The following RARB variants were observed in gnomAD, a reference collection of about 807,000 sequenced individuals.
RARB encodes retinoic acid receptor beta, also known as HBV-activated protein.
RARB carries 17 observed loss-of-function variants against 51.9 expected under a neutral mutation model. The observed-to-expected ratio is 0.33, with a 90% CI of 0.22 to 0.49. The LOEUF (loss-of-function observed/expected upper bound fraction) is 0.49. Ranked by LOEUF, RARB falls within the 20% of genes least tolerant of loss-of-function variation. The probability of loss-of-function intolerance (pLI) is 0.99; values close to 1 mark genes in which losing one functional copy is unlikely to be tolerated. For missense variants in RARB, 369 were observed against 550.8 expected, an observed-to-expected ratio of 0.67 and a Z score of 3.30; for synonymous variants, 215 against 195.4, an observed-to-expected ratio of 1.10 and a Z score of -0.84.
chr3:24,957,917 C>T (rs1195144027), intron 2 of RARB, among the ~76,000 whole-genome samples: 1 of 152,082 alleles, frequency 6.6e-6, no homozygotes, highest in Non-Finnish European at 1.5e-5. Context: ...TATATAACTC[C>T]AAGATAATAG....
intron 4 of RARB, among the ~76,000 whole-genome samples, chr3:25,152,874 C>A (rs1019994160): frequency 1.3e-5 from 2 of 152,166 alleles, no homozygotes; most frequent in African/African-American, 4.8e-5. Context: ...GGTGGAGCCA[C>A]TAGCCAGATG....
At chr3:25,392,437 G>A (rs953077369) in intron 5 of RARB, among the ~76,000 whole-genome samples, 1 of 152,014 alleles carries the variant, frequency 6.6e-6, no homozygotes, top group East Asian at 1.9e-4. Flanking sequence ...AATGATGATG[G>A]TATTTTGATG....
At chr3:25,479,423 T>C (rs1559424859) in intron 2 of RARB, among the ~76,000 whole-genome samples, 3 of 152,234 alleles carry the variant, frequency 2.0e-5, no homozygotes. Flanking sequence ...ATTTTATTTT[T>C]CTTTTTTACA....
At chr3:25,593,163 ATCT>A (rs1425532382) in intron 5 of RARB, among the ~76,000 whole-genome samples, 1 of 150,960 alleles carries the variant, frequency 6.6e-6, no homozygotes, top group Admixed American at 6.6e-5. Context: ...AATCTTATTC[ATCT>A]TTTTTTTTTT....
intron 1 of RARB, among the ~76,000 whole-genome samples, chr3:25,447,297 T>C (rs945683797): frequency 2.6e-5 from 4 of 152,190 alleles, no homozygotes; most frequent in Non-Finnish European, 5.9e-5. Flanking sequence ...GTATTTAAAG[T>C]CAAGGCCGCC....
At chr3:24,993,405 A>G (rs1267535319) in intron 2 of RARB, among the ~76,000 whole-genome samples, 1 of 152,066 alleles carries the variant, frequency 6.6e-6, no homozygotes, top group Admixed American at 6.5e-5. Flanking sequence ...TAAATTTTCA[A>G]AGTCTTTTTT....
chr3:25,469,196 A>G (rs993252079), intron 2 of RARB, among the ~76,000 whole-genome samples: 16 of 152,278 alleles, frequency 1.1e-4, no homozygotes, highest in African/African-American at 3.6e-4. Flanking sequence ...GACAGCAAGC[A>G]GAATGTTCAG....
At chr3:25,385,644 A>AATAT (rs146277516) in intron 5 of RARB, among the ~76,000 whole-genome samples, 2 of 150,406 alleles carry the variant, frequency 1.3e-5, no homozygotes, top group South Asian at 4.2e-4. Flanking sequence ...TTGCATTTAA[A>AATAT]ATATATATAT....
At chr3:25,416,404 T>A (rs1897500) in intron 5 of RARB, among the ~76,000 whole-genome samples, 126,018 of 152,148 alleles carry the variant, frequency 0.83, 52,588 homozygotes, top group East Asian at 1. Context: ...CAAGCAAATA[T>A]ATAACTGCAG....
intron 3 of RARB, among the ~76,000 whole-genome samples, chr3:25,102,807 T>A (rs772619357): frequency 6.6e-6 from 1 of 152,096 alleles, no homozygotes; most frequent in African/African-American, 2.4e-5. Flanking sequence ...ATCCCAGCAC[T>A]TTGGGAGTCT....
intron 5 of RARB, among the ~76,000 whole-genome samples, chr3:25,195,016 C>T (rs1404600459): frequency 6.6e-6 from 1 of 151,900 alleles, no homozygotes. Context: ...TTTCTTTTAA[C>T]AGAAACAAAA....
intron 5 of RARB, among the ~76,000 whole-genome samples, chr3:25,407,465 A>G (rs985397015): frequency 2.0e-5 from 3 of 152,214 alleles, no homozygotes; most frequent in African/African-American, 7.2e-5. Flanking sequence ...TAGGTTCTCA[A>G]TTAAAGGCAC....
chr3:25,287,961 G>C (rs1025748286), intron 5 of RARB, among the ~76,000 whole-genome samples: 4 of 152,134 alleles, frequency 2.6e-5, no homozygotes, highest in Middle Eastern at 3.4e-3. Flanking sequence ...TAAAGGGGAG[G>C]AGTGGAAGAA....
At chr3:25,536,158 C>G (rs1418398061) in intron 3 of RARB, among the ~76,000 whole-genome samples, 26 of 152,140 alleles carry the variant, frequency 1.7e-4, no homozygotes, top group Admixed American at 1.7e-3. Flanking sequence ...GAACCCAACT[C>G]TTAGAGTTGA....
intron 2 of RARB, among the ~76,000 whole-genome samples, chr3:25,047,241 A>G (rs1422336381): frequency 6.6e-6 from 1 of 152,150 alleles, no homozygotes; most frequent in Non-Finnish European, 1.5e-5. Flanking sequence ...TGCCTGGGAG[A>G]TTAGAATGGC....
intron 2 of RARB, among the ~76,000 whole-genome samples, chr3:24,924,567 A>G (rs1695278377): frequency 6.6e-6 from 1 of 152,192 alleles, no homozygotes. Context: ...ACTAATAGAT[A>G]TCATATTGGA....
chr3:25,400,813 A>G (rs1707243562), intron 5 of RARB, among the ~76,000 whole-genome samples: 1 of 152,118 alleles, frequency 6.6e-6, no homozygotes, highest in South Asian at 2.1e-4. Context: ...CTGGGATGGA[A>G]CAGCTTGTAA....
intron 2 of RARB, among the ~76,000 whole-genome samples, chr3:24,864,368 G>T (rs1019581633): frequency 2.0e-5 from 3 of 152,052 alleles, no homozygotes; most frequent in Non-Finnish European, 4.4e-5. Flanking sequence ...TTCCTTTGCT[G>T]TCCAGTGTTG....
intron 2 of RARB, among the ~76,000 whole-genome samples, chr3:24,881,599 C>G: frequency 6.6e-6 from 1 of 152,192 alleles, no homozygotes. Context: ...AACAGATTAC[C>G]TATAAATGTT....
Sources: gnomAD v4.1 joint callset for allele counts (sites outside exome capture counted in the v4.1 genomes callset) on GRCh38, gnomAD v4.1.1 for gene constraint, MANE v1.5 for transcripts, NCBI Gene and HGNC (gene_info 2026-07-23, HGNC 2026-07-21) for gene names.